Variants in KIAA1217 observed in about 807,000 individuals in gnomAD.
KIAA1217 encodes the protein sickle tail protein homolog.
A neutral mutation model predicts 163.9 loss-of-function variants in KIAA1217; 88 were observed. The ratio of observed to expected loss-of-function variants is 0.54; its 90% CI spans 0.45 to 0.64. The LOEUF (loss-of-function observed/expected upper bound fraction) is 0.64, where lower values mean the gene tolerates loss of function less well. KIAA1217 is among the 30% of genes least tolerant of loss of function. KIAA1217 has a pLI of 0.00. For missense variants in KIAA1217, 2,372 were observed against 2,475.0 expected (o/e 0.96, Z 0.88); for synonymous variants, 903 against 923.1 (o/e 0.98, Z 0.39).
intron 2 of KIAA1217, among the ~76,000 whole-genome samples, chr10:24,030,525 C>T (rs1456775020): frequency 1.3e-5 from 2 of 152,280 alleles, no homozygotes; most frequent in East Asian, 1.9e-4. Flanking sequence ...AACCTCTTTC[C>T]TTTATAAATT....
intron 9 of KIAA1217, among the ~76,000 whole-genome samples, chr10:24,509,238 GA>G (rs1471206016): frequency 6.6e-6 from 1 of 152,166 alleles, no homozygotes; most frequent in African/African-American, 2.4e-5. Context: ...CTGCAGCCTG[GA>G]GACAGTGGCA....
At chr10:23,760,882 A>T (rs972791536) in intron 1 of KIAA1217, among the ~76,000 whole-genome samples, 1 of 152,210 alleles carries the variant, frequency 6.6e-6, no homozygotes, top group Non-Finnish European at 1.5e-5. Flanking sequence ...TTTAACAAGT[A>T]TCCACTTTCC....
rs552898391 is a variant in KIAA1217 at position 23,941,753 on chromosome 10, G to A, written c.-320-65472G>A. Among the ~76,000 whole-genome samples the A allele has an allele frequency of 1.5e-3, 226 of 152,270 alleles. 3 individuals are homozygous for A. Among genetic ancestry groups the A allele is most frequent in the African/African-American group, 4.9e-3 (203 of 41,550 alleles). The stretch of plus-strand genomic sequence containing the variant: ...AAGCTCAGTAGTTCAAGTACTGCAC[G>A]GCACTTAGAAGAGAGTTTGGAACTT... On this transcript the variant is annotated intron_variant, in intron 1 of 18. Transcript: ENST00000376462.
intron 2 of KIAA1217, among the ~76,000 whole-genome samples, chr10:24,120,027 C>T (rs1326223924): frequency 6.6e-6 from 1 of 152,206 alleles, no homozygotes; most frequent in Non-Finnish European, 1.5e-5. Flanking sequence ...TCTTTAGATA[C>T]TGTCTGCCTC....
At chr10:24,052,311 C>A (rs768205227) in intron 2 of KIAA1217, among the ~76,000 whole-genome samples, 2 of 152,076 alleles carry the variant, frequency 1.3e-5, no homozygotes, top group Non-Finnish European at 2.9e-5. Context: ...GATAAAGAAA[C>A]TTTCCTTATC....
At chr10:24,407,285 T>TGCGTGC (rs1554851893) in intron 3 of KIAA1217, among the ~76,000 whole-genome samples, 2 of 148,830 alleles carry the variant, frequency 1.3e-5, no homozygotes, top group Non-Finnish European at 3.0e-5. Flanking sequence ...TGTGTGTGTG[T>TGCGTGC]GCGTGCGTGT....
chr10:24,107,140 G>A (rs2062663622), intron 2 of KIAA1217, among the ~76,000 whole-genome samples: 1 of 152,144 alleles, frequency 6.6e-6, no homozygotes, highest in Non-Finnish European at 1.5e-5. Context: ...GCAGTATTTG[G>A]TTTTCTGTTG....
intron 1 of KIAA1217, among the ~76,000 whole-genome samples, chr10:23,779,919 G>A (rs890691898): frequency 2.0e-5 from 3 of 152,034 alleles, no homozygotes; most frequent in Non-Finnish European, 4.4e-5. Context: ...TATTTAGTAC[G>A]GTAATAGGCA....
At chr10:24,167,478 G>A (rs564841598) in intron 2 of KIAA1217, among the ~76,000 whole-genome samples, 2 of 152,148 alleles carry the variant, frequency 1.3e-5, no homozygotes, top group Admixed American at 6.5e-5. Flanking sequence ...TACAACATGT[G>A]CAAACTAGAG....
chr10:23,886,893 A>C (rs536900216), intron 1 of KIAA1217, among the ~76,000 whole-genome samples: 7 of 151,636 alleles, frequency 4.6e-5, no homozygotes, highest in African/African-American at 1.7e-4. Flanking sequence ...GTCACATTGA[A>C]TTTTGGAATC....
At position 24,524,451 on chromosome 10, in the gene KIAA1217, C is replaced by G; in HGVS notation, c.2585C>G (p.Pro862Arg). The change falls in exon 13 of 21, where the codon CCC becomes CGC. Residue 862 changes from proline (P) to arginine (R), a missense_variant. Pro to Arg is a moderately radical substitution (Grantham distance 103). Around this residue, in one of 3 missense-constraint regions of KIAA1217, gnomAD observed 1,431 missense variants for 1,470.3 expected, o/e 0.97. Coordinates refer to ENST00000376454, the MANE Select transcript of KIAA1217 (RefSeq NM_019590.5). ...QEEAAHTSGQPFHSTGAPGDA... is the reference protein window; with the variant it reads ...QEEAAHTSGQRFHSTGAPGDA... ...GAGGCAGCCCACACCTCCGGCCAGC[C>G]CTTCCACAGCACAGGTGCCCCTGGC... 6.2e-7 allele frequency: 1 copy of G among 1,614,232 alleles called. No homozygotes were observed. The highest frequency in any genetic ancestry group is 8.5e-7 in the Non-Finnish European group (1 of 1,180,040).
At chr10:23,956,926 G>A (rs1361064753) in intron 1 of KIAA1217, among the ~76,000 whole-genome samples, 1 of 152,046 alleles carries the variant, frequency 6.6e-6, no homozygotes, top group East Asian at 1.9e-4. Context: ...CAAAACTGGG[G>A]ACTACATTTC....
At chr10:23,715,415 G>C (rs1837503700) in intron 1 of KIAA1217, among the ~76,000 whole-genome samples, 1 of 152,138 alleles carries the variant, frequency 6.6e-6, no homozygotes, top group Non-Finnish European at 1.5e-5. Context: ...ATGCGTATTA[G>C]ATCATAAATA....
intron 1 of KIAA1217, among the ~76,000 whole-genome samples, chr10:23,806,692 C>T (rs1466623910): frequency 1.3e-5 from 2 of 152,216 alleles, no homozygotes; most frequent in African/African-American, 2.4e-5. Flanking sequence ...TTTGAACCAA[C>T]AGTCTTGACT....
rs71397917 is a variant in KIAA1217 at position 23,805,996 on chromosome 10, CAAA to C, written c.-321+110788_-321+110790del. Among the ~76,000 whole-genome samples the C allele has an allele frequency of 9.8e-3, 297 of 30,458 alleles. 1 individual carries two copies. Among genetic ancestry groups the C allele is most frequent in the African/African-American group, 0.031 (214 of 6,898 alleles). The allele number at this position is 30,458 out of a possible 152,430, so 20.0% of individuals were successfully genotyped here. ...GGGCAACAAGAGCAAAACTCCATCT[CAAA>C]AAAAAAAAAAAAAAAAAAAAAAAAA... On this transcript the variant is annotated intron_variant, in intron 1 of 18. Coordinates refer to the KIAA1217 transcript ENST00000376462.
chr10:23,912,444 A>G (rs1025100640), intron 1 of KIAA1217, among the ~76,000 whole-genome samples: 3 of 152,008 alleles, frequency 2.0e-5, no homozygotes, highest in African/African-American at 7.3e-5. Context: ...TAAATAGCGA[A>G]CATTGTACCC....
chr10:24,309,338 GCACGCGCGCGCGCA>G (rs1468620216), intron 2 of KIAA1217, among the ~76,000 whole-genome samples: 7 of 90,206 alleles, frequency 7.8e-5, no homozygotes, highest in Non-Finnish European at 1.5e-4. Flanking sequence ...ATAGGCGCGC[GCACGCGCGCGCGCA>G]CACACACACA....
chr10:24,206,259 T>C (rs1042546328), upstream of KIAA1217, among the ~76,000 whole-genome samples: 5 of 152,224 alleles, frequency 3.3e-5, no homozygotes, highest in East Asian at 1.9e-4. Context: ...TTTCAAAGTA[T>C]AGCAGTAGGC....
chr10:24,444,204 G>A (rs143091984), intron 5 of KIAA1217, among the ~76,000 whole-genome samples: 3 of 152,150 alleles, frequency 2.0e-5, no homozygotes, highest in African/African-American at 4.8e-5. Context: ...TAGAGACGGG[G>A]TTTCACCACG....
Sources: gnomAD v4.1 joint callset for allele counts (sites outside exome capture counted in the v4.1 genomes callset) on GRCh38, gnomAD v4.1.1 for gene constraint, gnomAD v4.1.1 regional missense constraint, MANE v1.5 for transcripts, NCBI Gene and HGNC (gene_info 2026-07-23, HGNC 2026-07-21) for gene names.